The following CACNA2D1 variants were observed in gnomAD, a reference collection of about 807,000 sequenced individuals.
CACNA2D1 encodes the protein voltage-dependent calcium channel subunit alpha-2/delta-1.
Under a neutral mutation model 171.5 loss-of-function variants are expected in CACNA2D1, and 53 were observed. The ratio of observed to expected loss-of-function variants is 0.31; its 90% CI spans 0.25 to 0.39. The LOEUF (loss-of-function observed/expected upper bound fraction) is 0.39, where lower values mean the gene tolerates loss of function less well. CACNA2D1 is among the 10% of genes least tolerant of loss of function. The pLI, the probability that CACNA2D1 is intolerant of heterozygous loss-of-function variation, is 1.00. For missense variants in CACNA2D1, 903 were observed against 1,299.8 expected (o/e 0.69, Z 4.69); for synonymous variants, 442 against 443.1 (o/e 1.00, Z 0.03).
intron 10 of CACNA2D1, among the ~76,000 whole-genome samples, chr7:82,047,001 T>C (rs1804630440): frequency 6.6e-6 from 1 of 152,162 alleles, no homozygotes; most frequent in Non-Finnish European, 1.5e-5. Flanking sequence ...TTAAAAACAT[T>C]TGAAGCCATT....
chr7:82,102,676 C>T (rs1812820586), intron 6 of CACNA2D1, among the ~76,000 whole-genome samples: 1 of 152,092 alleles, frequency 6.6e-6, no homozygotes, highest in Non-Finnish European at 1.5e-5. Context: ...GAGATTCCAT[C>T]TACAAGGTCA....
chr7:82,344,353 G>A (rs1036458514), intron 2 of CACNA2D1, among the ~76,000 whole-genome samples: 2 of 152,208 alleles, frequency 1.3e-5, no homozygotes, highest in Admixed American at 1.3e-4. Flanking sequence ...GCCCCTGGCT[G>A]AGAACCATTG....
chr7:82,389,576 G>A (rs1205723328), intron 1 of CACNA2D1, among the ~76,000 whole-genome samples: 7 of 152,038 alleles, frequency 4.6e-5, no homozygotes, highest in African/African-American at 1.4e-4. Flanking sequence ...TAGTCTCCCT[G>A]CCCCCTGACA....
chr7:82,352,753 T>C (rs771632662), intron 1 of CACNA2D1, among the ~76,000 whole-genome samples: 18 of 152,146 alleles, frequency 1.2e-4, no homozygotes, highest in Non-Finnish European at 2.2e-4. Flanking sequence ...CTTGAAGTCA[T>C]ATTTGAAAGA....
chr7:82,185,657 A>G (rs943280352), intron 3 of CACNA2D1, among the ~76,000 whole-genome samples: 17 of 151,750 alleles, frequency 1.1e-4, no homozygotes, highest in Non-Finnish European at 1.9e-4. Flanking sequence ...GAATTTCGTG[A>G]TATCTATTAT....
Position 82,215,185 on chromosome 7 carries a change from C to T in CACNA2D1, c.295-44576G>A, listed in dbSNP as rs551597152. Among the ~76,000 whole-genome samples the T allele has an allele frequency of 1.1e-4, 16 of 152,250 alleles. No individual in the cohort carries two copies. In the East Asian group the frequency reaches 2.1e-3, roughly 20 times the overall value. On this transcript the variant is annotated intron_variant, in intron 3 of 38. Transcript: ENST00000356860. ...GATACCACACCCAGACAAGACAGAC[C>T]GCTCATTCATCATAATTTCTTCCTT...
chr7:82,079,144 T>C (rs1809370142), intron 7 of CACNA2D1, among the ~76,000 whole-genome samples: 1 of 152,162 alleles, frequency 6.6e-6, no homozygotes, highest in South Asian at 2.1e-4. Context: ...TTCTATGTAT[T>C]TTAAATAATC....
chr7:82,063,799 C>A (rs1031669144), intron 9 of CACNA2D1, among the ~76,000 whole-genome samples: 1 of 151,940 alleles, frequency 6.6e-6, no homozygotes, highest in African/African-American at 2.4e-5. Context: ...AACAAAGAGA[C>A]CAACATAAAA....
chr7:82,292,979 A>T (rs1363616585), intron 3 of CACNA2D1, among the ~76,000 whole-genome samples: 2 of 151,900 alleles, frequency 1.3e-5, no homozygotes, highest in Admixed American at 1.3e-4. Flanking sequence ...CTTCCCCTTG[A>T]TTTTTTTTCT....
At chr7:82,267,014 CAAAG>C (rs1161090530) in intron 3 of CACNA2D1, among the ~76,000 whole-genome samples, 2 of 152,158 alleles carry the variant, frequency 1.3e-5, no homozygotes, top group Non-Finnish European at 2.9e-5. Flanking sequence ...GCAAAAGTCT[CAAAG>C]ATTAATCTAT....
chr7:82,320,836 A>G (rs1483388009), intron 3 of CACNA2D1, among the ~76,000 whole-genome samples: 1 of 152,134 alleles, frequency 6.6e-6, no homozygotes, highest in Non-Finnish European at 1.5e-5. Flanking sequence ...CACATAAAAA[A>G]TAAACTATCA....
chr7:81,988,176 C>T (rs886743646), intron 21 of CACNA2D1, among the ~76,000 whole-genome samples: 4 of 152,248 alleles, frequency 2.6e-5, no homozygotes, highest in Non-Finnish European at 4.4e-5. Flanking sequence ...CATTCTCATA[C>T]GATGCCCTGA....
intron 3 of CACNA2D1, among the ~76,000 whole-genome samples, chr7:82,277,242 G>A (rs936389679): frequency 6.6e-6 from 1 of 151,448 alleles, no homozygotes; most frequent in African/African-American, 2.4e-5. Flanking sequence ...TCGCTGTGTC[G>A]CCCAGGCTGT....
chr7:82,297,752 T>G (rs1028982300), intron 3 of CACNA2D1, among the ~76,000 whole-genome samples: 1 of 152,184 alleles, frequency 6.6e-6, no homozygotes, highest in African/African-American at 2.4e-5. Context: ...TGGGAATGTA[T>G]TATATTTCAG....
chr7:82,235,735 C>T (rs190127341), intron 3 of CACNA2D1, among the ~76,000 whole-genome samples: 31 of 152,058 alleles, frequency 2.0e-4, no homozygotes, highest in African/African-American at 7.0e-4. Context: ...TCCTCAAATG[C>T]CAAGCACCAT....
chr7:82,158,533 CTCACATGGGAATA>C (rs1385207794), intron 4 of CACNA2D1, among the ~76,000 whole-genome samples: 3 of 151,832 alleles, frequency 2.0e-5, no homozygotes, highest in Non-Finnish European at 4.4e-5. Context: ...GTTTGTTTAG[CTCACATGGGAATA>C]TCAGTTTGTA....
chr7:82,402,817 G>T (rs1316873715), intron 1 of CACNA2D1, among the ~76,000 whole-genome samples: 2 of 151,710 alleles, frequency 1.3e-5, no homozygotes, highest in Non-Finnish European at 2.9e-5. Flanking sequence ...AATAAAGAGG[G>T]GACATGATCA....
At chr7:82,009,638 C>A (rs1317369109) in intron 15 of CACNA2D1, among the ~76,000 whole-genome samples, 2 of 151,982 alleles carry the variant, frequency 1.3e-5, no homozygotes, top group South Asian at 2.1e-4. Flanking sequence ...TACTGCATAC[C>A]ATAATTTGCT....
chr7:82,055,537 G>T (rs1171846246), intron 10 of CACNA2D1, among the ~76,000 whole-genome samples: 1 of 151,690 alleles, frequency 6.6e-6, no homozygotes. Flanking sequence ...TGATAGACTG[G>T]ATTAAGAAAA....
Sources: gnomAD v4.1 joint callset for allele counts (sites outside exome capture counted in the v4.1 genomes callset) on GRCh38, gnomAD v4.1.1 for gene constraint, MANE v1.5 for transcripts, NCBI Gene and HGNC (gene_info 2026-07-23, HGNC 2026-07-21) for gene names.